The following HDAC9 variants were observed in gnomAD, a reference collection of about 807,000 sequenced individuals.
HDAC9 encodes histone deacetylase 9, also known as MEF-2 interacting transcription repressor (MITR) protein.
A neutral mutation model predicts 139.4 loss-of-function variants in HDAC9; 41 were observed. The observed-to-expected ratio is 0.29, with a 90% confidence interval of 0.23 to 0.38. HDAC9 has a LOEUF of 0.38. Ranked by LOEUF, HDAC9 falls within the 10% of genes least tolerant of loss-of-function variation. The probability of loss-of-function intolerance (pLI) is 1.00; values close to 1 mark genes in which losing one functional copy is unlikely to be tolerated. For missense variants in HDAC9, 1,147 were observed against 1,297.0 expected, an observed-to-expected ratio of 0.88 and a Z score of 1.78; for synonymous variants, 517 against 476.2, an observed-to-expected ratio of 1.09 and a Z score of -1.12.
At chr7:18,809,510 C>T (rs577577854) in intron 17 of HDAC9, among the ~76,000 whole-genome samples, 17 of 151,880 alleles carry the variant, frequency 1.1e-4, no homozygotes, top group African/African-American at 4.1e-4. Context: ...AACAAAATAA[C>T]CTGATGAAAA....
At chr7:18,803,568 T>C (rs903651006) in intron 17 of HDAC9, among the ~76,000 whole-genome samples, 29 of 152,194 alleles carry the variant, frequency 1.9e-4, no homozygotes, top group African/African-American at 6.5e-4. Flanking sequence ...CAGTTCAAAG[T>C]TGATAGTTTC....
At chr7:18,614,710 C>T (rs1021132916) in intron 6 of HDAC9, among the ~76,000 whole-genome samples, 1 of 152,084 alleles carries the variant, frequency 6.6e-6, no homozygotes, top group Non-Finnish European at 1.5e-5. Context: ...TTTTTCTACC[C>T]ATCATAAGTA....
chr7:18,314,594 T>C (rs1282569672), intron 1 of HDAC9, among the ~76,000 whole-genome samples: 1 of 152,172 alleles, frequency 6.6e-6, no homozygotes, highest in Non-Finnish European at 1.5e-5. Flanking sequence ...ATAACCTTCA[T>C]TGTTCTTATA....
chr7:18,554,327 CTTTTTTTTTTTTTTTTT>C (rs34326798), intron 2 of HDAC9, among the ~76,000 whole-genome samples: 1 of 58,284 alleles, frequency 1.7e-5, no homozygotes, highest in African/African-American at 7.3e-5. Flanking sequence ...TTACAGATCA[CTTTTTTTTTTTTTTTTT>C]TTTTTTTTTT....
In HDAC9 at chr7:18,843,234, G is replaced by T. The variant is rs191460616; in HGVS notation, c.2684+7237G>T. Among the ~76,000 whole-genome samples the T allele has an allele frequency of 1.1e-3, 162 of 152,122 alleles. 1 individual carries two copies. The highest frequency in any genetic ancestry group is 6.3e-4 in the Non-Finnish European group (43 of 67,930). On this transcript the variant is annotated intron_variant, in intron 21 of 25. Transcript: ENST00000686413. Reference sequence around the variant, plus strand: ...CCTAGAAGTGATTTGTTTTTGTTTTGCAGATGAAACACTGAATTATATAAC... The same window carrying T: ...CCTAGAAGTGATTTGTTTTTGTTTTTCAGATGAAACACTGAATTATATAAC...
At chr7:18,900,493 G>T (rs2034675758) in intron 22 of HDAC9, among the ~76,000 whole-genome samples, 1 of 152,134 alleles carries the variant, frequency 6.6e-6, no homozygotes, top group African/African-American at 2.4e-5. Flanking sequence ...GCTATATTAA[G>T]GGTTATTGCC....
chr7:18,194,072 C>T (rs6461373), intron 2 of HDAC9, among the ~76,000 whole-genome samples: 1 of 151,854 alleles, frequency 6.6e-6, no homozygotes, highest in Non-Finnish European at 1.5e-5. Context: ...CCCATGAGGT[C>T]GGTCCAAGCC....
intron 1 of HDAC9, among the ~76,000 whole-genome samples, chr7:18,141,001 T>G (rs1372271522): frequency 6.6e-6 from 1 of 152,074 alleles, no homozygotes; most frequent in Admixed American, 6.6e-5. Flanking sequence ...GCATTTTTAT[T>G]TAGGATAAAC....
intron 1 of HDAC9, among the ~76,000 whole-genome samples, chr7:18,338,536 T>C (rs1187460290): frequency 6.6e-6 from 1 of 151,652 alleles, no homozygotes; most frequent in Non-Finnish European, 1.5e-5. Flanking sequence ...ATTTAGTATT[T>C]CCTACTTCTA....
intron 24 of HDAC9, among the ~76,000 whole-genome samples, chr7:18,965,925 A>C (rs752705273): frequency 8.5e-5 from 13 of 152,184 alleles, no homozygotes; most frequent in Non-Finnish European, 1.9e-4. Context: ...TGGCTGCTAC[A>C]ATGACGGTTC....
intron 2 of HDAC9, among the ~76,000 whole-genome samples, chr7:18,208,372 CTTT>C (rs71553923): frequency 7.7e-5 from 10 of 130,512 alleles, no homozygotes; most frequent in Admixed American, 1.6e-4. Context: ...CTGAGAGTAT[CTTT>C]TTTTTTTTTT....
At chr7:18,488,622 A>G (rs1317289138) in intron 1 of HDAC9, among the ~76,000 whole-genome samples, 1 of 152,030 alleles carries the variant, frequency 6.6e-6, no homozygotes, top group Non-Finnish European at 1.5e-5. Context: ...ACATTAGCCA[A>G]TGCAGCTTAT....
At position 18,255,625 on chromosome 7, in the gene HDAC9, C is replaced by CGTT. The variant is rs1449259332; in HGVS notation, c.25+93276_25+93277insGTT. On this transcript the variant is annotated intron_variant, in intron 2 of 12. Coordinates refer to the HDAC9 transcript ENST00000417496. ...GATGAGTTTTCTTTTCTTTTTCTTT[C>CGTT]CTTTTTTTTTTTTTTTTTTTGGAGA... 1.7e-4 allele frequency among the ~76,000 whole-genome samples: 17 copies of CGTT among 101,294 alleles called. No homozygotes were observed. In the South Asian group the frequency reaches 1.7e-3, roughly 10 times the overall value. 66.5% of individuals were successfully genotyped at this position (101,294 alleles called of 152,430 possible).
intron 24 of HDAC9, among the ~76,000 whole-genome samples, chr7:18,957,769 G>A (rs1239044572): frequency 3.9e-5 from 6 of 152,052 alleles, no homozygotes; most frequent in African/African-American, 9.7e-5. Context: ...CTTCACATAC[G>A]TCTCTGAGTG....
chr7:18,746,908 A>G (rs578259262), intron 13 of HDAC9, among the ~76,000 whole-genome samples: 2 of 152,234 alleles, frequency 1.3e-5, no homozygotes, highest in African/African-American at 4.8e-5. Context: ...CTAAGAGAGT[A>G]TATAGTAGGA....
At chr7:18,826,257 A>C (rs59984951) in intron 17 of HDAC9, among the ~76,000 whole-genome samples, 5,723 of 152,264 alleles carry the variant, frequency 0.038, 315 homozygotes, top group East Asian at 0.15. Context: ...TCAAAGCAGC[A>C]GTGAAGAAAC....
chr7:18,650,052 C>T (rs1044384162), intron 11 of HDAC9, among the ~76,000 whole-genome samples: 2 of 152,118 alleles, frequency 1.3e-5, no homozygotes, highest in Admixed American at 6.6e-5. Context: ...TCAGTATCTT[C>T]AGGAGAGAGC....
intron 1 of HDAC9, among the ~76,000 whole-genome samples, chr7:18,311,261 T>C (rs1451523315): frequency 6.6e-6 from 1 of 152,064 alleles, no homozygotes; most frequent in Non-Finnish European, 1.5e-5. Context: ...GCCTTTAACC[T>C]TTTGAACATA....
chr7:18,824,661 A>G (rs1403383110), intron 17 of HDAC9, among the ~76,000 whole-genome samples: 5 of 152,212 alleles, frequency 3.3e-5, no homozygotes, highest in Admixed American at 6.5e-5. Flanking sequence ...CTGAGAAATC[A>G]GGATATTGAA....
Sources: allele counts gnomAD v4.1 joint callset (sites outside exome capture counted in the v4.1 genomes callset), GRCh38; gene constraint gnomAD v4.1.1; transcripts MANE v1.5; gene names NCBI Gene and HGNC (gene_info 2026-07-23, HGNC 2026-07-21).